The following TRIM4 variants were observed in gnomAD, a reference collection of about 807,000 sequenced individuals.
The protein encoded by TRIM4 is E3 ubiquitin-protein ligase TRIM4.
Under a neutral mutation model 33.7 loss-of-function variants are expected in TRIM4, and 29 were observed. The ratio of observed to expected loss-of-function variants is 0.86; its 90% CI spans 0.64 to 1.17. The LOEUF is 1.17. Ranked by LOEUF, TRIM4 falls within the 50% of genes most tolerant of loss-of-function variation. The pLI is 0.00. For missense variants in TRIM4, 554 were observed against 593.7 expected (o/e 0.93, Z 0.69); for synonymous variants, 224 against 233.0 (o/e 0.96, Z 0.35).
intron 5 of TRIM4, chr7:99,901,790 T>C (rs1819175221): frequency 3.6e-6 from 1 of 280,578 alleles, no homozygotes; most frequent in African/African-American, 2.2e-5. Flanking sequence ...TCTCCAGCCT[T>C]GAGTAGATTT....
rs935343728 is a variant in TRIM4 at position 99,919,404 on chromosome 7, T to C, written c.-3A>G. On this transcript the variant is annotated 5_prime_UTR_variant, in exon 1 of 6. Coordinates refer to ENST00000349062, the MANE Select transcript of TRIM4 (RefSeq NM_033091.3). Reference sequence around the variant, plus strand: ...TCCTGGATGTCCTCAGCTTCCATGCTGCTTCCCTGCCGCGGAGACGGAGTC... The same window carrying C: ...TCCTGGATGTCCTCAGCTTCCATGCCGCTTCCCTGCCGCGGAGACGGAGTC... 30 of 1,537,036 alleles carry C rather than the reference T, an allele frequency of 2.0e-5. No homozygotes were observed. In the Admixed American group the frequency reaches 4.0e-4, roughly 21 times the overall value.
At chr7:99,894,665 C>T (rs1280552679) in intron 5 of TRIM4, among the ~76,000 whole-genome samples, 2 of 146,512 alleles carry the variant, frequency 1.4e-5, no homozygotes, top group African/African-American at 5.0e-5. Context: ...AGACTCCATC[C>T]CCCCCCCAAA....
At chr7:99,911,710 T>C (rs1819446280) in intron 1 of TRIM4, among the ~76,000 whole-genome samples, 1 of 152,180 alleles carries the variant, frequency 6.6e-6, no homozygotes, top group Admixed American at 6.5e-5. Flanking sequence ...GCGAATGAAA[T>C]GCTACCACCA....
intron 2 of TRIM4, among the ~76,000 whole-genome samples, chr7:99,909,145 T>C (rs972616090): frequency 2.6e-5 from 4 of 151,578 alleles, no homozygotes; most frequent in Admixed American, 6.6e-5. Flanking sequence ...TGTGTGTGTG[T>C]GTGTGTGTGT....
chr7:99,896,631 A>G (rs1584261100), intron 5 of TRIM4, among the ~76,000 whole-genome samples: 1 of 152,178 alleles, frequency 6.6e-6, no homozygotes, highest in African/African-American at 2.4e-5. Context: ...GGTCTAGCAC[A>G]ACAATTAGCC....
At position 99,918,989 on chromosome 7, in the gene TRIM4, C is replaced by T. The variant is rs1471991154; in HGVS notation, c.393+20G>A. On this transcript the variant is annotated intron_variant, in intron 1 of 5. Coordinates refer to ENST00000349062, the MANE Select transcript of TRIM4 (RefSeq NM_033091.3). ...GCAACACTGACAGCCCCGTCATAGT[C>T]ACCGCGACGGCCAGCTCACCCGGTA... 1 of 1,579,272 alleles carries T rather than the reference C, an allele frequency of 6.3e-7. No individual in the cohort carries two copies. The highest frequency in any genetic ancestry group is 1.7e-5 in the Admixed American group (1 of 57,176).
chr7:99,907,889 T>A (rs1819344658), intron 3 of TRIM4, among the ~76,000 whole-genome samples: 1 of 152,158 alleles, frequency 6.6e-6, no homozygotes, highest in Admixed American at 6.5e-5. Flanking sequence ...TTCTGAGGCA[T>A]CCGATACTCA....
chr7:99,908,760 T>C lies in TRIM4; in HGVS notation c.542A>G (p.His181Arg). 6.2e-7 allele frequency: 1 copy of C among 1,614,216 alleles called. No individual in the cohort carries two copies. Among genetic ancestry groups the C allele is most frequent in the Admixed American group, 1.7e-5 (1 of 60,022 alleles). Reference sequence around the variant, plus strand: ...GTCCTCTTCTTCAACCAGGAAGTTGTGCAGCTTTGAAAACTCCGTGCTGAT... The same window carrying C: ...GTCCTCTTCTTCAACCAGGAAGTTGCGCAGCTTTGAAAACTCCGTGCTGAT... The part of the protein sequence containing the change: ...MRISTEFSKL[H>R]NFLVEEEDLF... Residue 181 changes from histidine to arginine, a missense_variant, in exon 3 of 6, where the codon CAC becomes CGC. By Grantham distance (29) the His-to-Arg change is conservative. Transcript: ENST00000349062.
intron 5 of TRIM4, among the ~76,000 whole-genome samples, chr7:99,898,334 C>A (rs1819070713): frequency 6.6e-6 from 1 of 152,182 alleles, no homozygotes; most frequent in Admixed American, 6.5e-5. Context: ...AATAGCATGT[C>A]ACAAGCTAAA....
chr7:99,909,639 G>T lies in TRIM4; in HGVS notation c.415C>A (p.Arg139Ser), dbSNP rs376234532. 6.2e-7 allele frequency: 1 copy of T among 1,612,742 alleles called. No homozygotes were observed. The highest frequency in any genetic ancestry group is 8.5e-7 in the Non-Finnish European group (1 of 1,179,828). The stretch of plus-strand genomic sequence containing the variant: ...TTCTTCATCTTGGCCACGAGATTAC[G>T]CTGAGACTTAAGAAGTTTCTCCTGC... ...SYREKLLKSQ[R>S]NLVAKMKKVM... is the part of the protein sequence containing the mutation. The change falls in exon 2 of 6, where the codon CGT becomes AGT. Residue 139 changes from arginine to serine, a missense_variant. Physicochemically the swap from Arg to Ser is moderately radical, Grantham distance 110. Transcript: ENST00000349062.
In TRIM4 at chr7:99,903,287, G is replaced by C. The variant is rs779534019; in HGVS notation, c.772C>G (p.Leu258Val). ...RSEIQDVNYS[L>V]EAVKVKTVCQ... ...ACTGTCTTCACCTTTACAGCTTCAA[G>C]AGAATAGTTCACATCCTGGATCTCA... Residue 258 changes from leucine to valine, a missense_variant, in exon 5 of 6, where the codon CTT becomes GTT. Leu to Val is a conservative substitution (Grantham distance 32, BLOSUM62 1). Transcript: ENST00000349062. 1 of 1,612,936 alleles carries C rather than the reference G, an allele frequency of 6.2e-7. No individual in the cohort carries two copies. Among genetic ancestry groups the C allele is most frequent in the African/African-American group, 1.3e-5 (1 of 74,990 alleles).
intron 1 of TRIM4, chr7:99,916,775 C>G (rs1340763715): frequency 2.6e-6 from 2 of 780,904 alleles, no homozygotes; most frequent in African/African-American, 3.4e-5. Flanking sequence ...GTCAAAGTTA[C>G]CTGTCTAAAA....
intron 1 of TRIM4, among the ~76,000 whole-genome samples, chr7:99,918,686 G>GA (rs1819617824): frequency 6.6e-6 from 1 of 152,116 alleles, no homozygotes; most frequent in East Asian, 1.9e-4. Flanking sequence ...TTACCAGAAA[G>GA]ATTTTAAATT....
rs929264595 is a variant in TRIM4, at chr7:99,892,596, G to C, written c.992C>G (p.Thr331Ser). The C allele has an allele frequency of 2.5e-6, 4 of 1,614,038 alleles. No homozygotes were observed. The highest frequency in any genetic ancestry group is 1.3e-5 in the African/African-American group (1 of 74,916). The change falls in exon 6 of 6, where the codon ACT becomes AGT. Residue 331 changes from threonine (T) to serine (S), a missense_variant. By Grantham distance (58) the Thr-to-Ser change is moderately conservative. Coordinates refer to ENST00000349062, the MANE Select transcript of TRIM4 (RefSeq NM_033091.3). Reference sequence around the variant, plus strand: ...GTGCTGAAATCTCTCTACAAAAGCAGTCTTCTGAGGATTCCTCCATCCAGC... The same window carrying C: ...GTGCTGAAATCTCTCTACAAAAGCACTCTTCTGAGGATTCCTCCATCCAGC... ...YFAGWRNPQKTAFVERFQHLP... is the reference protein window; with the variant it reads ...YFAGWRNPQKSAFVERFQHLP...
At chr7:99,917,148 C>A (rs1167249304) in intron 1 of TRIM4, among the ~76,000 whole-genome samples, 19 of 152,270 alleles carry the variant, frequency 1.2e-4, no homozygotes, top group Non-Finnish European at 2.8e-4. Context: ...CTCAGACCTT[C>A]TGTACACTTG....
Position 99,892,447 on chromosome 7 carries a change from G to T in TRIM4, c.1141C>A (p.Arg381Ser), listed in dbSNP as rs750116992. The change falls in exon 6 of 6, where the codon CGT becomes AGT. Residue 381 changes from arginine (R) to serine (S), a missense_variant. Coordinates refer to ENST00000349062, the MANE Select transcript of TRIM4 (RefSeq NM_033091.3). ...CREDVMGITD[R>S]SKMSPDVGIW... is the part of the protein sequence containing the mutation. ...CCCACATCTGGGGACATTTTTGAAC[G>T]ATCAGTAATTCCCATGACGTCCTCC... 6.2e-7 allele frequency: 1 copy of T among 1,614,042 alleles called. No individual in the cohort carries two copies. The highest frequency in any genetic ancestry group is 8.5e-7 in the Non-Finnish European group (1 of 1,179,996).
At chr7:99,898,022 A>T (rs1563083930) in intron 5 of TRIM4, among the ~76,000 whole-genome samples, 1 of 152,208 alleles carries the variant, frequency 6.6e-6, no homozygotes, top group Non-Finnish European at 1.5e-5. Context: ...GTCTGCAGAG[A>T]GTTGCCCCTC....
At chr7:99,909,402 C>T (rs914306603) in intron 2 of TRIM4, among the ~76,000 whole-genome samples, 163 bp downstream of exon 2, 1 of 152,096 alleles carries the variant, frequency 6.6e-6, no homozygotes, top group South Asian at 2.1e-4. Context: ...ACCCAGAAAG[C>T]TCTTCTTTCA....
intron 5 of TRIM4, among the ~76,000 whole-genome samples, chr7:99,902,666 A>G (rs1223246307): frequency 1.3e-5 from 2 of 151,456 alleles, no homozygotes; most frequent in South Asian, 2.1e-4. Context: ...TCTGTCCTAC[A>G]CTCTTCTTCT....
Sources: gnomAD v4.1 joint callset for allele counts (sites outside exome capture counted in the v4.1 genomes callset) on GRCh38, gnomAD v4.1.1 for gene constraint, MANE v1.5 for transcripts, NCBI Gene and HGNC (gene_info 2026-07-23, HGNC 2026-07-21) for gene names.